NLRP9: variants seen among roughly 807,000 people sequenced by gnomAD.
NLRP9 encodes NLR family pyrin domain containing 9, also known as NACHT, LRR and PYD domains-containing protein 9.
In NLRP9, 88 loss-of-function variants were observed where a neutral mutation model predicts 83.1. The observed-to-expected ratio is 1.06, with a 90% CI of 0.89 to 1.26. The LOEUF (loss-of-function observed/expected upper bound fraction) is 1.26, where lower values mean the gene tolerates loss of function less well. NLRP9 is among the 50% of genes most tolerant of loss of function. The pLI is 0.00. For missense variants in NLRP9, 1,308 were observed against 1,179.3 expected, an observed-to-expected ratio of 1.11 and a Z score of -1.60; for synonymous variants, 521 against 447.6, an observed-to-expected ratio of 1.16 and a Z score of -2.07.
chr19:55,731,210 C>CA lies in NLRP9; in HGVS notation c.1832+788dup, dbSNP rs144789269. The stretch of plus-strand genomic sequence containing the variant: ...CTGAACCCGATGGAAGAATACAAGG[C>CA]AAAATCAGCAGAGGGAAAAGGCATA... On this transcript the variant is annotated intron_variant, in intron 2 of 8. Transcript: ENST00000332836. Among the ~76,000 whole-genome samples the CA allele has an allele frequency of 9.5e-3, 1,448 of 151,926 alleles. 25 individuals are homozygous for CA. The highest frequency in any genetic ancestry group is 0.033 in the African/African-American group (1,378 of 41,438).
In NLRP9 at chr19:55,712,534, A is replaced by G. The variant is rs966220698; in HGVS notation, c.2558T>C (p.Ile853Thr). The G allele has an allele frequency of 9.3e-6, 15 of 1,612,684 alleles. No individual in the cohort carries two copies. Among genetic ancestry groups the G allele is most frequent in the Admixed American group, 1.7e-5 (1 of 59,980 alleles). The part of the protein sequence containing the change: ...DSCKDIAAVL[I>T]CNGKLKTLKL... ...CAGGGTCTTCAGTTTCCCATTGCAA[A>G]TAAGAACAGCAGCAATGTCCTTACA... The change falls in exon 7 of 9, where the codon ATT (isoleucine) becomes ACT (threonine). Residue 853 changes from isoleucine to threonine, a missense_variant. By Grantham distance (89) the Ile-to-Thr change is moderately conservative. Coordinates refer to ENST00000332836, the MANE Select transcript of NLRP9 (RefSeq NM_176820.4).
chr19:55,734,045 C>T (rs1568604824), intron 1 of NLRP9, among the ~76,000 whole-genome samples: 1 of 151,220 alleles, frequency 6.6e-6, no homozygotes, highest in South Asian at 2.1e-4. Flanking sequence ...GCCGCAGCCT[C>T]CCGAGTAGCT....
At chr19:55,719,699 G>A (rs1256465095) in intron 4 of NLRP9, among the ~76,000 whole-genome samples, 2 of 152,184 alleles carry the variant, frequency 1.3e-5, no homozygotes, top group East Asian at 1.9e-4. Context: ...AGACCAAGAG[G>A]AAATGGGAGA....
At chr19:55,734,797 G>A (rs1461330128) in intron 1 of NLRP9, among the ~76,000 whole-genome samples, 1 of 151,876 alleles carries the variant, frequency 6.6e-6, no homozygotes, top group Non-Finnish European at 1.5e-5. Context: ...ACCACGCCCA[G>A]CTAATTTTTG....
At chr19:55,721,448 A>C (rs1988223097) in intron 4 of NLRP9, among the ~76,000 whole-genome samples, 2 of 152,108 alleles carry the variant, frequency 1.3e-5, no homozygotes, top group African/African-American at 4.8e-5. Context: ...TTCCTAGTAC[A>C]AGAGCCCCTG....
chr19:55,730,813 G>T (rs771811550), intron 2 of NLRP9, among the ~76,000 whole-genome samples: 1 of 152,076 alleles, frequency 6.6e-6, no homozygotes, highest in Non-Finnish European at 1.5e-5. Flanking sequence ...TGGATATCGG[G>T]CTTGATACCT....
At chr19:55,712,028 C>G in intron 7 of NLRP9, 58 bp from the exon 8 acceptor site, 1 of 1,543,764 alleles carries the variant, frequency 6.5e-7, no homozygotes, top group Non-Finnish European at 8.9e-7. Flanking sequence ...CTGGAAGGCA[C>G]GCCATTGTTA....
chr19:55,729,542 A>C (rs1345983934), intron 3 of NLRP9, among the ~76,000 whole-genome samples: 1 of 151,952 alleles, frequency 6.6e-6, no homozygotes, highest in Non-Finnish European at 1.5e-5. Flanking sequence ...AGCTTCGTCC[A>C]TGTTCCTACA....
At chr19:55,733,918 A>ATTTTTTTTTTTT (rs1423854158) in intron 1 of NLRP9, among the ~76,000 whole-genome samples, 2 of 118,058 alleles carry the variant, frequency 1.7e-5, no homozygotes, top group African/African-American at 7.3e-5. Context: ...TTGTCAACCA[A>ATTTTTTTTTTTT]ATTTTTTTTT....
rs931314011 is a variant in NLRP9 at position 55,731,285 on chromosome 19, C to T, written c.1832+714G>A. Among the ~76,000 whole-genome samples, 3 of 150,696 alleles carry T rather than the reference C, an allele frequency of 2.0e-5. No homozygotes were observed. In the South Asian group the frequency reaches 6.3e-4, roughly 32 times the overall value. On this transcript the variant is annotated intron_variant, in intron 2 of 8. Transcript: ENST00000332836. ...GCACGAACTTCCAGGAGTCCCCTCT[C>T]AGTGGGGTCACTGGGGGATACCGCA... is the stretch of plus-strand genomic sequence containing the variant.
intron 4 of NLRP9, 78 bp from the exon 5 acceptor site, chr19:55,716,976 A>T: frequency 9.2e-7 from 1 of 1,086,982 alleles, no homozygotes; most frequent in South Asian, 1.4e-5. Flanking sequence ...ACCAAACGAC[A>T]CCTCTGATTC....
intron 4 of NLRP9, 36 bp from the exon 5 acceptor site, chr19:55,716,934 G>A (rs1988041683): frequency 1.9e-6 from 3 of 1,562,536 alleles, no homozygotes; most frequent in African/African-American, 2.7e-5. Context: ...ACGGACCAAA[G>A]CTTTCAATCG....
rs754619841 is a variant in NLRP9 at position 55,709,064 on chromosome 19, GT to G, written c.2844-21del. 4.0e-3 allele frequency: 4,960 copies of G among 1,233,938 alleles called. No individual in the cohort carries two copies. The highest frequency in any genetic ancestry group is 5.6e-3 in the Admixed American group (201 of 35,792). 76.4% of individuals were successfully genotyped at this position (1,233,938 alleles called of 1,614,324 possible). The stretch of plus-strand genomic sequence containing the variant: ...TGCAGCCTGGGAAAATAGAAATAAA[GT>G]TTTTTTTTTTGTTTTTCATTTTTAC... On this transcript the variant is annotated intron_variant, in intron 8 of 8. Coordinates refer to ENST00000332836, the MANE Select transcript of NLRP9 (RefSeq NM_176820.4).
chr19:55,732,842 A>G lies in NLRP9; in HGVS notation c.989T>C (p.Leu330Pro). ...VFNFVRDNGP[L>P]FILCHNPFTC... ...AAAGGGATTATGGCACAAGATAAAC[A>G]GCGGCCCATTATCTCTCACAAAATT... Residue 330 changes from leucine (L) to proline (P), a missense_variant, in exon 2 of 9, where the codon CTG becomes CCG. Coordinates refer to ENST00000332836, the MANE Select transcript of NLRP9 (RefSeq NM_176820.4). 2 of 1,614,176 alleles carry G rather than the reference A, an allele frequency of 1.2e-6. No individual in the cohort carries two copies. Among genetic ancestry groups the G allele is most frequent in the Non-Finnish European group, 1.7e-6 (2 of 1,180,012 alleles).
chr19:55,709,113 T>G, intron 8 of NLRP9, 69 bp from the exon 9 acceptor site: 1 of 1,116,548 alleles, frequency 9.0e-7, no homozygotes, highest in Middle Eastern at 2.3e-4. Context: ...CTCTACATTC[T>G]GATGTCTACC....
intron 4 of NLRP9, among the ~76,000 whole-genome samples, chr19:55,718,906 C>T (rs1326624523): frequency 6.6e-6 from 1 of 152,204 alleles, no homozygotes; most frequent in Non-Finnish European, 1.5e-5. Flanking sequence ...CCTTCCAGAT[C>T]TCATCCTGTG....
chr19:55,730,124 G>C (rs1988530204), intron 2 of NLRP9, 132 bp from the exon 3 acceptor site: 1 of 767,468 alleles, frequency 1.3e-6, no homozygotes, highest in Non-Finnish European at 2.1e-6. Flanking sequence ...GAGAAGGTCA[G>C]CCAGGTAAAC....
At chr19:55,714,972 T>C (rs895832318) in intron 6 of NLRP9, 83 bp downstream of exon 6, 4 of 1,303,440 alleles carry the variant, frequency 3.1e-6, no homozygotes, top group South Asian at 2.8e-5. Context: ...GATGCTAGCA[T>C]ATCCCTTTCC....
intron 3 of NLRP9, among the ~76,000 whole-genome samples, chr19:55,727,518 C>G (rs1020194082): frequency 4.6e-5 from 7 of 152,180 alleles, no homozygotes; most frequent in African/African-American, 1.7e-4. Context: ...CTAACCACCT[C>G]TTCCTTGCTA....
Sources: allele counts gnomAD v4.1 joint callset (sites outside exome capture counted in the v4.1 genomes callset), GRCh38; gene constraint gnomAD v4.1.1; transcripts MANE v1.5; gene names NCBI Gene and HGNC (gene_info 2026-07-23, HGNC 2026-07-21).